ART3: variants seen among roughly 807,000 people sequenced by gnomAD.
ART3 encodes the protein ADP-ribosyltransferase 3 (inactive), also known as ecto-ADP-ribosyltransferase 3.
A neutral mutation model predicts 48.5 loss-of-function variants in ART3; 49 were observed. The observed-to-expected ratio is 1.01, with a 90% confidence interval of 0.80 to 1.28. The LOEUF (loss-of-function observed/expected upper bound fraction) is 1.28, where lower values mean the gene tolerates loss of function less well. ART3 is among the 50% of genes most tolerant of loss of function. ART3 has a pLI of 0.00. For missense variants in ART3, 438 were observed against 454.3 expected (o/e 0.96, Z 0.33); for synonymous variants, 145 against 157.2 (o/e 0.92, Z 0.58).
rs140152047 is a variant in ART3, at chr4:76,020,506, A to T, written c.-10+9186A>T. On this transcript the variant is annotated intron_variant, in intron 1 of 9. Transcript: ENST00000341029. ...TTCTTAGTAAGTAATTGGATGTGGG[A>T]GGAGAGGAAGAAGTAGTATAGAATT... Among the ~76,000 whole-genome samples, 17 of 152,330 alleles carry T rather than the reference A, an allele frequency of 1.1e-4. No individual in the cohort carries two copies. The East Asian group carries it at 3.3e-3, about 29-fold the overall frequency.
In ART3 at chr4:76,104,384, C is replaced by T. The variant is rs1169895493; in HGVS notation, c.971-213C>T. Reference sequence around the variant, plus strand: ...ACGATATTCTCCTGGCATAAACATGCTCAGTGAAGTGCTATGGCAGAAGAC... The same window carrying T: ...ACGATATTCTCCTGGCATAAACATGTTCAGTGAAGTGCTATGGCAGAAGAC... On this transcript the variant is annotated intron_variant, in intron 9 of 11. Coordinates refer to ENST00000355810, the MANE Select transcript of ART3 (RefSeq NM_001130016.3). The T allele has an allele frequency of 5.1e-6, 5 of 985,266 alleles. No homozygotes were observed. The African/African-American group carries it at 7.0e-5, about 14-fold the overall frequency. The allele number at this position is 985,266 out of a possible 1,614,324, so 61.0% of individuals were successfully genotyped here.
chr4:76,062,431 A>G (rs1171213464), intron 1 of ART3, among the ~76,000 whole-genome samples: 2 of 152,182 alleles, frequency 1.3e-5, no homozygotes, highest in Non-Finnish European at 2.9e-5. Flanking sequence ...GTAATTAAGT[A>G]GTTAATAAAG....
At chr4:76,031,124 C>T (rs1366318284) in intron 1 of ART3, among the ~76,000 whole-genome samples, 1 of 152,060 alleles carries the variant, frequency 6.6e-6, no homozygotes, top group Non-Finnish European at 1.5e-5. Context: ...TTGATAATAA[C>T]GTTTAGTATC....
intron 6 of ART3, 147 bp from the exon 7 acceptor site, chr4:76,100,648 A>AG: frequency 1.1e-6 from 1 of 926,874 alleles, no homozygotes; most frequent in Non-Finnish European, 1.6e-6. Flanking sequence ...AAAAAAAAAA[A>AG]TTCTGGGGGC....
At chr4:76,030,483 T>C (rs1163349192) in intron 1 of ART3, among the ~76,000 whole-genome samples, 4 of 152,228 alleles carry the variant, frequency 2.6e-5, no homozygotes, top group Non-Finnish European at 5.9e-5. Context: ...GATAGTAAAA[T>C]ACAAATAACA....
At chr4:76,066,215 T>C (rs1384243270) in intron 1 of ART3, among the ~76,000 whole-genome samples, 1 of 152,090 alleles carries the variant, frequency 6.6e-6, no homozygotes, top group Non-Finnish European at 1.5e-5. Flanking sequence ...GGGGTGTTGA[T>C]TTTCTTCCCC....
At chr4:76,043,856 A>C (rs71629035) in intron 1 of ART3, among the ~76,000 whole-genome samples, 93,476 of 151,566 alleles carry the variant, frequency 0.62, 30,173 homozygotes, top group East Asian at 0.94. Flanking sequence ...TCTCAATCCC[A>C]CCTCTAAACA....
intron 10 of ART3, chr4:76,105,600 C>A: frequency 7.8e-7 from 1 of 1,280,498 alleles, no homozygotes. Flanking sequence ...GATTCTAAGT[C>A]CTTTACCATA....
rs144563468 is a variant in ART3 at position 76,112,367 on chromosome 4, T to G, written c.1037-19T>G. ...ACATAAAAAATGATGTGTCAGTGAC[T>G]GTGTATTCTTGTTAACAGCTCCAGG... On this transcript the variant is annotated intron_variant, in intron 11 of 11. Transcript: ENST00000355810. 6.2e-7 allele frequency: 1 copy of G among 1,608,176 alleles called. No homozygotes were observed. Among genetic ancestry groups the G allele is most frequent in the Admixed American group, 1.7e-5 (1 of 58,978 alleles).
chr4:76,093,861 GTAAT>G (rs1189810610), intron 3 of ART3, among the ~76,000 whole-genome samples: 1 of 152,138 alleles, frequency 6.6e-6, no homozygotes, highest in Non-Finnish European at 1.5e-5. Flanking sequence ...CCTGTTAGTA[GTAAT>G]GACATACACT....
intron 1 of ART3, among the ~76,000 whole-genome samples, chr4:76,013,209 A>C (rs1221827890): frequency 6.6e-6 from 1 of 152,200 alleles, no homozygotes; most frequent in African/African-American, 2.4e-5. Flanking sequence ...ATTTGTTACA[A>C]GAAGAAGTTG....
upstream of ART3, among the ~76,000 whole-genome samples, chr4:76,072,173 A>G (rs1720382116): frequency 6.6e-6 from 1 of 152,230 alleles, no homozygotes; most frequent in African/African-American, 2.4e-5. Flanking sequence ...CCTGGCTTCC[A>G]AATCTCTGAG....
At chr4:76,060,758 C>A (rs1719139738) in intron 1 of ART3, among the ~76,000 whole-genome samples, 1 of 152,142 alleles carries the variant, frequency 6.6e-6, no homozygotes, top group African/African-American at 2.4e-5. Context: ...TGAGAGATTC[C>A]ACTTGCTGTT....
intron 5 of ART3, 79 bp downstream of exon 5, chr4:76,099,066 C>T (rs779327395): frequency 7.6e-7 from 1 of 1,323,656 alleles, no homozygotes; most frequent in Non-Finnish European, 1.1e-6. Flanking sequence ...CTTTGGAAGG[C>T]CGAGGTGAGT....
chr4:76,027,230 GCAA>G (rs1346307147), intron 1 of ART3, among the ~76,000 whole-genome samples: 3 of 152,068 alleles, frequency 2.0e-5, no homozygotes, highest in African/African-American at 7.2e-5. Context: ...TCTAGCCTGG[GCAA>G]CAAGAGCGAA....
chr4:76,100,233 A>G, intron 5 of ART3, 58 bp from the exon 6 acceptor site: 1 of 1,543,784 alleles, frequency 6.5e-7, no homozygotes, highest in South Asian at 1.1e-5. Flanking sequence ...TAGCAATAGT[A>G]ACTGCCAGTT....
At chr4:76,078,044 A>G (rs4859609) in intron 2 of ART3, among the ~76,000 whole-genome samples, 33,637 of 150,916 alleles carry the variant, frequency 0.22, 4,401 homozygotes, top group East Asian at 0.42. Context: ...ATATTTTTGT[A>G]AGAAATTTTT....
chr4:76,082,584 T>TCTTA, intron 3 of ART3, 49 bp downstream of exon 3: 1 of 1,466,688 alleles, frequency 6.8e-7, no homozygotes, highest in Non-Finnish European at 9.1e-7. Context: ...GGAGTGGGAT[T>TCTTA]CTTAGGCTTA....
intron 3 of ART3, among the ~76,000 whole-genome samples, chr4:76,084,454 A>ATT (rs1723135682): frequency 6.6e-6 from 1 of 152,190 alleles, no homozygotes; most frequent in Non-Finnish European, 1.5e-5. Context: ...GGAATTTTGA[A>ATT]GATATTCCTC....
Sources: allele counts gnomAD v4.1 joint callset (sites outside exome capture counted in the v4.1 genomes callset), GRCh38; gene constraint gnomAD v4.1.1; transcripts MANE v1.5; gene names NCBI Gene and HGNC (gene_info 2026-07-23, HGNC 2026-07-21).